Variants in MEF2C observed in about 807,000 individuals in gnomAD.
MEF2C encodes the protein myocyte enhancer factor 2C, also known as myocyte-specific enhancer factor 2C.
In MEF2C, 6 loss-of-function variants were observed where a neutral mutation model predicts 50.5. The observed-to-expected ratio is 0.12, with a 90% CI of 0.07 to 0.23. MEF2C has a LOEUF of 0.23. Among genes scored for constraint, MEF2C ranks in the 10% least tolerant of loss-of-function variants. The pLI is 1.00. For missense variants in MEF2C, 276 were observed against 605.0 expected (o/e 0.46, Z 5.70); for synonymous variants, 183 against 228.0 (o/e 0.80, Z 1.78).
At chr5:88,731,530 ATT>A in intron 7 of MEF2C, 197 bp downstream of exon 7, 2 of 513,072 alleles carry the variant, frequency 3.9e-6, no homozygotes, top group South Asian at 4.4e-5. Context: ...ATATATATAT[ATT>A]TTTTTTACAC....
intron 3 of MEF2C, among the ~76,000 whole-genome samples, chr5:88,789,151 A>G (rs1403791483): frequency 2.0e-5 from 3 of 151,970 alleles, no homozygotes; most frequent in African/African-American, 4.8e-5. Context: ...ATTAATTCAT[A>G]TATCTACTTT....
At chr5:88,778,890 AGCCTGGGGTAG>A (rs1253504553) in intron 3 of MEF2C, among the ~76,000 whole-genome samples, 1 of 152,226 alleles carries the variant, frequency 6.6e-6, no homozygotes, top group Non-Finnish European at 1.5e-5. Context: ...TGTTGGTAGA[AGCCTGGGGTAG>A]GGCTGGCAGG....
In MEF2C at chr5:88,829,187, C is replaced by T. The variant is rs1296736886; in HGVS notation, c.-142-5257G>A. Among the ~76,000 whole-genome samples the T allele has an allele frequency of 2.6e-5, 4 of 152,140 alleles. 1 individual carries two copies. In the South Asian group the frequency reaches 6.2e-4, roughly 24 times the overall value. The stretch of plus-strand genomic sequence containing the variant: ...CATCTTTTCCATTTCCTCACATCTG[C>T]CATGCTCCTTCCTGCCACTAGGCCT... On this transcript the variant is annotated intron_variant, in intron 1 of 10. Transcript: ENST00000504921.
At chr5:88,823,308 T>C (rs1343701495) in intron 2 of MEF2C, among the ~76,000 whole-genome samples, 1 of 151,958 alleles carries the variant, frequency 6.6e-6, no homozygotes, top group African/African-American at 2.4e-5. Context: ...ATGAATAAAA[T>C]GAAAGCCATT....
intron 6 of MEF2C, among the ~76,000 whole-genome samples, chr5:88,745,384 G>C (rs1768919850): frequency 6.6e-6 from 1 of 152,252 alleles, no homozygotes; most frequent in Non-Finnish European, 1.5e-5. Flanking sequence ...TCAAATGGCT[G>C]AACTGAATTC....
chr5:88,833,555 A>G (rs1813848624), intron 1 of MEF2C, among the ~76,000 whole-genome samples: 1 of 152,148 alleles, frequency 6.6e-6, no homozygotes, highest in Admixed American at 6.6e-5. Context: ...CAGGGGTGGA[A>G]ACTCTACGTA....
At chr5:88,769,701 G>A (rs1781551883) in intron 3 of MEF2C, among the ~76,000 whole-genome samples, 1 of 152,182 alleles carries the variant, frequency 6.6e-6, no homozygotes, top group South Asian at 2.1e-4. Context: ...CTGGAGTGCA[G>A]CGGCATGATC....
At chr5:88,885,041 A>G (rs1447172995), upstream of MEF2C, among the ~76,000 whole-genome samples, 1 of 148,442 alleles carries the variant, frequency 6.7e-6, no homozygotes, top group African/African-American at 2.5e-5. Flanking sequence ...AGAACATGGA[A>G]TATATGAGAT....
chr5:88,736,087 C>T (rs1160163450), intron 6 of MEF2C: 1 of 985,312 alleles, frequency 1.0e-6, no homozygotes, highest in Non-Finnish European at 1.2e-6. Flanking sequence ...TCTCCTCCTT[C>T]CATCTCCATA....
intron 1 of MEF2C, among the ~76,000 whole-genome samples, chr5:88,854,709 A>G (rs959299591): frequency 7.2e-5 from 11 of 152,218 alleles, no homozygotes; most frequent in African/African-American, 2.7e-4. Context: ...GCAGTCTCCA[A>G]GCTCAAGGAG....
chr5:88,781,503 G>A (rs1383867421), intron 3 of MEF2C, among the ~76,000 whole-genome samples: 2 of 152,200 alleles, frequency 1.3e-5, no homozygotes, highest in Non-Finnish European at 2.9e-5. Context: ...GAAAGTGGCA[G>A]AAACCAGGTT....
chr5:88,903,123 A>T (rs1835828921), intron 1 of MEF2C, among the ~76,000 whole-genome samples: 1 of 151,886 alleles, frequency 6.6e-6, no homozygotes, highest in African/African-American at 2.4e-5. Flanking sequence ...TTAAAGTCCT[A>T]TTCTGAAAAA....
intron 1 of MEF2C, among the ~76,000 whole-genome samples, chr5:88,848,174 T>TA (rs1221228725): frequency 3.9e-5 from 6 of 152,128 alleles, no homozygotes; most frequent in East Asian, 1.9e-4. Context: ...ATTTGCCATT[T>TA]AAAAAAACTC....
At chr5:88,897,543 C>T (rs1372950580) in intron 1 of MEF2C, among the ~76,000 whole-genome samples, 1 of 152,158 alleles carries the variant, frequency 6.6e-6, no homozygotes, top group African/African-American at 2.4e-5. Flanking sequence ...AGAGTTCGCT[C>T]AAGCCGTTTT....
chr5:88,767,359 C>T (rs1561910939), intron 3 of MEF2C, among the ~76,000 whole-genome samples: 1 of 152,256 alleles, frequency 6.6e-6, no homozygotes, highest in East Asian at 1.9e-4. Flanking sequence ...ATTGTCTATA[C>T]TATCTCTCCC....
chr5:88,720,359 AC>A lies in MEF2C; in HGVS notation c.*2244del, dbSNP rs1755900526. 1 of 152,394 alleles carries A rather than the reference AC, an allele frequency of 6.6e-6. No individual in the cohort carries two copies. The highest frequency in any genetic ancestry group is 1.5e-5 in the Non-Finnish European group (1 of 67,950). 9.4% of individuals were successfully genotyped at this position (152,394 alleles called of 1,614,324 possible). A position where few individuals can be genotyped will look rare whatever the true frequency, so the allele number is the denominator to read the frequency against. ...AGATTTTTTTTTTTTAATATATAAA[AC>A]ATTAGTACAAGGCAGGCTAGCATCC... On this transcript the variant is annotated 3_prime_UTR_variant, in exon 11 of 11. Coordinates refer to ENST00000504921, the MANE Select transcript of MEF2C (RefSeq NM_002397.5).
chr5:88,894,103 G>T (rs1454289566), intron 1 of MEF2C, among the ~76,000 whole-genome samples: 5 of 152,154 alleles, frequency 3.3e-5, no homozygotes, highest in Admixed American at 1.3e-4. Context: ...CATACTATTT[G>T]TCAGGCTCTG....
intron 3 of MEF2C, among the ~76,000 whole-genome samples, chr5:88,775,141 T>C (rs908356961): frequency 2.0e-5 from 3 of 152,240 alleles, no homozygotes; most frequent in Non-Finnish European, 4.4e-5. Flanking sequence ...AGAAAAATAA[T>C]CAGAGTATTT....
At chr5:88,733,265 G>A in intron 6 of MEF2C, 1 of 985,336 alleles carries the variant, frequency 1.0e-6, no homozygotes. Flanking sequence ...AGTTTAAAGA[G>A]CATGGTAAGG....
Sources: allele counts gnomAD v4.1 joint callset (sites outside exome capture counted in the v4.1 genomes callset), GRCh38; gene constraint gnomAD v4.1.1; transcripts MANE v1.5; gene names NCBI Gene and HGNC (gene_info 2026-07-23, HGNC 2026-07-21).